Variants in FAM81A observed in about 807,000 individuals in gnomAD.
FAM81A encodes the protein protein FAM81A.
Under a neutral mutation model 46.7 loss-of-function variants are expected in FAM81A, and 19 were observed. The ratio of observed to expected loss-of-function variants is 0.41; its 90% confidence interval spans 0.28 to 0.60. The LOEUF (loss-of-function observed/expected upper bound fraction) is 0.60, where lower values mean the gene tolerates loss of function less well. Among genes scored for constraint, FAM81A ranks in the 20% least tolerant of loss-of-function variants. FAM81A has a pLI of 0.34. For synonymous variants in FAM81A, 183 were observed against 152.9 expected (o/e 1.20, Z -1.45); for missense variants, 377 against 453.5 (o/e 0.83, Z 1.53).
chr15:59,421,745 GTCTATCTA>G (rs1242529010), intron 2 of FAM81A, among the ~76,000 whole-genome samples: 190 of 76,742 alleles, frequency 2.5e-3, no homozygotes, highest in African/African-American at 7.7e-3. Flanking sequence ...CTATCTATCT[GTCTATCTA>G]TCTATCTATC....
At chr15:59,456,036 G>A (rs1596484885) in intron 1 of FAM81A, among the ~76,000 whole-genome samples, 1 of 152,176 alleles carries the variant, frequency 6.6e-6, no homozygotes, top group Non-Finnish European at 1.5e-5. Context: ...GTGTCATTTA[G>A]TAGGGGAGCT....
intron 2 of FAM81A, among the ~76,000 whole-genome samples, chr15:59,421,307 G>A (rs1250671265): frequency 6.6e-6 from 1 of 152,216 alleles, no homozygotes; most frequent in African/African-American, 2.4e-5. Context: ...TTGTGTGGGA[G>A]TAGATGTGGA....
In FAM81A at chr15:59,521,632, A is replaced by G. The variant is rs986843991; in HGVS notation, c.*254A>G. 5.3e-5 allele frequency: 18 copies of G among 337,438 alleles called. No individual in the cohort carries two copies. The highest frequency in any genetic ancestry group is 6.8e-5 in the Non-Finnish European group (13 of 191,992). The allele number at this position is 337,438 out of a possible 1,614,324, so 20.9% of individuals were successfully genotyped here. A position where few individuals can be genotyped will look rare whatever the true frequency, so the allele number is the denominator to read the frequency against. On this transcript the variant is annotated 3_prime_UTR_variant, in exon 9 of 9. Coordinates refer to ENST00000288228, the MANE Select transcript of FAM81A (RefSeq NM_152450.3). The stretch of plus-strand genomic sequence containing the variant: ...TGGAAATCCCCCGCCCTGGATTTTG[A>G]AAGGCTTTTATCTTCTTCATTTTAC...
intron 3 of FAM81A, among the ~76,000 whole-genome samples, chr15:59,481,304 C>T (rs1486610466): frequency 7.9e-5 from 12 of 152,048 alleles, no homozygotes; most frequent in African/African-American, 2.4e-4. Context: ...GACCCCAGAG[C>T]GGTTCTAATA....
chr15:59,410,544 A>AC (rs1319094346), intron 2 of FAM81A, among the ~76,000 whole-genome samples: 1 of 12,168 alleles, frequency 8.2e-5, no homozygotes, highest in Non-Finnish European at 4.7e-3. Flanking sequence ...GTGGACTACG[A>AC]GAAAAAAACC....
In FAM81A at chr15:59,401,292, A is replaced by G. The variant is rs1567034212; in HGVS notation, c.-160-984A>G. 10 of 897,316 alleles carry G rather than the reference A, an allele frequency of 1.1e-5. No individual in the cohort carries two copies. The South Asian group carries it at 1.3e-4, about 12-fold the overall frequency. The allele number at this position is 897,316 out of a possible 1,614,324, so 55.6% of individuals were successfully genotyped here. On this transcript the variant is annotated intron_variant, in intron 1 of 4. Coordinates refer to the FAM81A transcript ENST00000558348. ...TGGTAACCTGGGCATATTTTCCCCA[A>G]ATAACTGCCGCCTTGCATCACAAGG...
In FAM81A at chr15:59,508,901, A is replaced by G; in HGVS notation, c.582A>G (p.Ser194=). The G allele has an allele frequency of 1.9e-6, 3 of 1,613,510 alleles. No individual in the cohort carries two copies. Among genetic ancestry groups the G allele is most frequent in the Non-Finnish European group, 2.5e-6 (3 of 1,179,552 alleles). The change falls in exon 6 of 9, where the codon TCA becomes TCG. Residue 194 remains serine, a synonymous_variant. Coordinates refer to ENST00000288228, the MANE Select transcript of FAM81A (RefSeq NM_152450.3). The part of the protein sequence containing the change: ...QLLNRVDLSI[S]EQSTKLKMSH... ...TGAACAGAGTGGACTTGTCAATATC[A>G]GAGCAGAGCACCAAACTGAAGATGT...
chr15:59,462,992 TTGAAGTG>T (rs1328769978), intron 3 of FAM81A, among the ~76,000 whole-genome samples: 1 of 152,226 alleles, frequency 6.6e-6, no homozygotes, highest in African/African-American at 2.4e-5. Flanking sequence ...ATAGTGTCTT[TTGAAGTG>T]TGAACATTTT....
intron 1 of FAM81A, among the ~76,000 whole-genome samples, chr15:59,457,179 A>T (rs889485061): frequency 6.6e-6 from 1 of 152,254 alleles, no homozygotes; most frequent in African/African-American, 2.4e-5. Flanking sequence ...TAAATAAAAA[A>T]TTCTAGAAAT....
chr15:59,405,534 G>A (rs979563908), intron 2 of FAM81A, among the ~76,000 whole-genome samples: 1 of 152,082 alleles, frequency 6.6e-6, no homozygotes, highest in African/African-American at 2.4e-5. Context: ...CCAGCTACTT[G>A]GGAGGCTGAT....
At chr15:59,511,890 C>T (rs1221946929) in intron 6 of FAM81A, among the ~76,000 whole-genome samples, 2 of 152,116 alleles carry the variant, frequency 1.3e-5, no homozygotes, top group African/African-American at 2.4e-5. Flanking sequence ...ACCTCGTGAT[C>T]TGCCCACCTC....
In FAM81A at chr15:59,479,170, A is replaced by G. The variant is rs557424515; in HGVS notation, c.295-13101A>G. On this transcript the variant is annotated intron_variant, in intron 3 of 8. Transcript: ENST00000288228. Reference sequence around the variant, plus strand: ...ACCAAGGTGATGTTAGCTGATGTCAAGTGCTCTGATGAGAGGATGTGATGG... The same window carrying G: ...ACCAAGGTGATGTTAGCTGATGTCAGGTGCTCTGATGAGAGGATGTGATGG... Among the ~76,000 whole-genome samples the G allele has an allele frequency of 3.3e-5, 5 of 152,306 alleles. No homozygotes were observed. The South Asian group carries it at 8.3e-4, about 25-fold the overall frequency.
At chr15:59,398,087 G>C (rs946910655) in intron 1 of FAM81A, among the ~76,000 whole-genome samples, 1 of 152,138 alleles carries the variant, frequency 6.6e-6, no homozygotes, top group Non-Finnish European at 1.5e-5. Context: ...TATCAAGCCC[G>C]AGACCAGAAA....
intron 1 of FAM81A, among the ~76,000 whole-genome samples, chr15:59,441,723 G>A (rs762239194): frequency 1.6e-4 from 24 of 152,296 alleles, no homozygotes; most frequent in African/African-American, 3.8e-4. Flanking sequence ...TTGCGCCTCT[G>A]TATCTCCCTG....
chr15:59,426,294 A>G (rs548015870), intron 2 of FAM81A, among the ~76,000 whole-genome samples: 3 of 152,308 alleles, frequency 2.0e-5, no homozygotes, highest in South Asian at 4.1e-4. Flanking sequence ...TGGATTAAAA[A>G]AAAAAATTGG....
intron 1 of FAM81A, chr15:59,401,667 C>G: frequency 1.2e-6 from 1 of 810,354 alleles, no homozygotes; most frequent in Non-Finnish European, 2.2e-6. Flanking sequence ...CCCGCCTTCT[C>G]TTTTCGTTTC....
At chr15:59,489,604 T>C (rs2081961215) in intron 3 of FAM81A, among the ~76,000 whole-genome samples, 1 of 151,506 alleles carries the variant, frequency 6.6e-6, no homozygotes, top group Non-Finnish European at 1.5e-5. Flanking sequence ...GCCAAAACTA[T>C]CCTGAGCAAA....
At chr15:59,443,078 C>T (rs1185810800) in intron 1 of FAM81A, among the ~76,000 whole-genome samples, 2 of 152,108 alleles carry the variant, frequency 1.3e-5, no homozygotes, top group African/African-American at 4.8e-5. Flanking sequence ...AAAAAAAGAT[C>T]TTTATTGTTT....
intron 1 of FAM81A, among the ~76,000 whole-genome samples, chr15:59,400,846 A>G (rs373468227): frequency 1.3e-5 from 2 of 152,152 alleles, no homozygotes; most frequent in East Asian, 3.9e-4. Context: ...CTTAATACAC[A>G]TGTTGGTTTA....
Sources: allele counts gnomAD v4.1 joint callset (sites outside exome capture counted in the v4.1 genomes callset), GRCh38; gene constraint gnomAD v4.1.1; transcripts MANE v1.5; gene names NCBI Gene and HGNC (gene_info 2026-07-23, HGNC 2026-07-21).